The following LRBA variants were observed in gnomAD, a reference collection of about 807,000 sequenced individuals.
LRBA encodes lipopolysaccharide-responsive and beige-like anchor protein.
In LRBA, 176 loss-of-function variants were observed where a neutral mutation model predicts 330.0. The ratio of observed to expected loss-of-function variants is 0.53; its 90% CI spans 0.47 to 0.60. The LOEUF (loss-of-function observed/expected upper bound fraction) is 0.60, where lower values mean the gene tolerates loss of function less well. Ranked by LOEUF, LRBA falls within the 20% of genes least tolerant of loss-of-function variation. The pLI is 0.00. For missense variants in LRBA, 3,259 were observed against 3,444.8 expected (o/e 0.95, Z 1.35); for synonymous variants, 1,230 against 1,193.0 (o/e 1.03, Z -0.64).
intron 47 of LRBA, among the ~76,000 whole-genome samples, chr4:150,411,652 A>T (rs1747023116): frequency 6.6e-6 from 1 of 152,186 alleles, no homozygotes; most frequent in Admixed American, 6.5e-5. Context: ...TCTGGCTATG[A>T]GAAGCCGAAG....
At chr4:150,526,482 G>A (rs1763489184) in intron 40 of LRBA, among the ~76,000 whole-genome samples, 1 of 152,122 alleles carries the variant, frequency 6.6e-6, no homozygotes, top group African/African-American at 2.4e-5. Flanking sequence ...AATTTGATAA[G>A]GGGGATTGTG....
chr4:150,287,904 AGT>A (rs1748336115), intron 53 of LRBA, among the ~76,000 whole-genome samples: 1 of 152,246 alleles, frequency 6.6e-6, no homozygotes, highest in Non-Finnish European at 1.5e-5. Context: ...TTTCTTACAA[AGT>A]CCAGAAATTT....
At chr4:150,905,653 C>T (rs1731246516) in intron 13 of LRBA, among the ~76,000 whole-genome samples, 185 bp downstream of exon 13, 1 of 150,954 alleles carries the variant, frequency 6.6e-6, no homozygotes. Flanking sequence ...TATATTCATA[C>T]ACACACACAC....
intron 47 of LRBA, among the ~76,000 whole-genome samples, chr4:150,373,933 T>C (rs6823767): frequency 0.28 from 41,929 of 151,974 alleles, 5,856 homozygotes; most frequent in East Asian, 0.35. Context: ...CCTTCTAAGA[T>C]ATTCCTTTTC....
At chr4:150,719,935 T>C (rs896173624) in intron 36 of LRBA, among the ~76,000 whole-genome samples, 4 of 152,150 alleles carry the variant, frequency 2.6e-5, no homozygotes, top group Non-Finnish European at 5.9e-5. Context: ...TCTAATGAGA[T>C]AGAATGAACT....
intron 53 of LRBA, among the ~76,000 whole-genome samples, chr4:150,295,928 T>G (rs1488404154): frequency 6.6e-6 from 1 of 152,202 alleles, no homozygotes; most frequent in East Asian, 1.9e-4. Context: ...GGTCTTTGGT[T>G]CTAGGTAAGC....
At chr4:150,990,788 G>A (rs1283952639) in intron 2 of LRBA, among the ~76,000 whole-genome samples, 1 of 151,600 alleles carries the variant, frequency 6.6e-6, no homozygotes, top group Non-Finnish European at 1.5e-5. Flanking sequence ...AGGTGGCCGA[G>A]GTGGGCGGAT....
intron 5 of LRBA, 144 bp from the exon 6 acceptor site, chr4:150,916,882 G>A (rs554367050): frequency 3.0e-5 from 18 of 597,342 alleles, no homozygotes; most frequent in South Asian, 2.4e-4. Flanking sequence ...GGCCGGGCGC[G>A]GTGGCTCACG....
Position 150,828,450 on chromosome 4 carries a change from G to A in LRBA, c.4901C>T (p.Pro1634Leu), listed in dbSNP as rs138285961. 2.3e-4 allele frequency: 365 copies of A among 1,613,986 alleles called. No individual in the cohort carries two copies. The highest frequency in any genetic ancestry group is 3.0e-4 in the Non-Finnish European group (349 of 1,180,000). ...HTAPPGVSAG[P>L]DAISEVLSTL... The stretch of plus-strand genomic sequence containing the variant: ...AGATAGCACCTCGCTGATTGCATCT[G>A]GGCCTGCACTGACACCAGGAGGTGC... The change falls in exon 30 of 57, where the codon CCA (proline) becomes CTA (leucine). Residue 1634 changes from proline (P) to leucine (L), a missense_variant. By Grantham distance (98) the Pro-to-Leu change is moderately conservative (BLOSUM62 -3). Coordinates refer to ENST00000651943, the MANE Select transcript of LRBA (RefSeq NM_001364905.1).
intron 34 of LRBA, among the ~76,000 whole-genome samples, chr4:150,795,929 T>C (rs1560827912): frequency 6.6e-6 from 1 of 152,018 alleles, no homozygotes; most frequent in Non-Finnish European, 1.5e-5. Context: ...GCATGGCTGA[T>C]TGTCATGAAA....
intron 34 of LRBA, among the ~76,000 whole-genome samples, chr4:150,789,784 T>C (rs1262840256): frequency 6.6e-6 from 1 of 151,738 alleles, no homozygotes; most frequent in Non-Finnish European, 1.5e-5. Flanking sequence ...TTGATTAGAA[T>C]AGGAAAAAAA....
At chr4:150,830,767 T>A (rs1343383196) in intron 29 of LRBA, among the ~76,000 whole-genome samples, 2 of 148,656 alleles carry the variant, frequency 1.3e-5, no homozygotes, top group Non-Finnish European at 3.0e-5. Context: ...CTTTTTTTTT[T>A]TTTTTTTTTT....
intron 43 of LRBA, 69 bp from the exon 44 acceptor site, chr4:150,467,854 T>C: frequency 1.5e-6 from 1 of 689,414 alleles, no homozygotes; most frequent in Non-Finnish European, 2.4e-6. Context: ...AGTAATATAA[T>C]TTACTAAAAA....
intron 31 of LRBA, among the ~76,000 whole-genome samples, chr4:150,814,409 C>CTAGA (rs948906775): frequency 1.3e-5 from 2 of 151,848 alleles, no homozygotes; most frequent in African/African-American, 4.8e-5. Context: ...ACCAAAAACA[C>CTAGA]TAGATTAGGT....
At chr4:150,968,558 A>G (rs2149581422) in intron 2 of LRBA, among the ~76,000 whole-genome samples, 1 of 152,302 alleles carries the variant, frequency 6.6e-6, no homozygotes, top group Admixed American at 6.5e-5. Context: ...CAAGGCCCTA[A>G]CTCTCTTCAA....
At chr4:150,412,177 A>G (rs775495447) in intron 47 of LRBA, among the ~76,000 whole-genome samples, 2 of 152,192 alleles carry the variant, frequency 1.3e-5, no homozygotes, top group Admixed American at 6.6e-5. Context: ...CTATGTTTGC[A>G]TTTGAATTGC....
chr4:150,880,579 T>C (rs1237048632), intron 17 of LRBA, among the ~76,000 whole-genome samples: 2 of 149,614 alleles, frequency 1.3e-5, no homozygotes, highest in Non-Finnish European at 3.0e-5. Context: ...ATGTAAGCCA[T>C]CGAATTAGAA....
intron 43 of LRBA, among the ~76,000 whole-genome samples, chr4:150,468,769 G>A (rs75076461): frequency 0.13 from 19,386 of 150,968 alleles, 1,421 homozygotes; most frequent in Middle Eastern, 0.18. Context: ...ATATCAATAC[G>A]TAGCTGAATA....
At chr4:150,827,189 G>A (rs544426925) in intron 30 of LRBA, among the ~76,000 whole-genome samples, 2 of 152,288 alleles carry the variant, frequency 1.3e-5, no homozygotes, top group South Asian at 4.2e-4. Flanking sequence ...ACCAGAAAAT[G>A]AACTGACATT....
Sources: gnomAD v4.1 joint callset for allele counts (sites outside exome capture counted in the v4.1 genomes callset) on GRCh38, gnomAD v4.1.1 for gene constraint, MANE v1.5 for transcripts, NCBI Gene and HGNC (gene_info 2026-07-23, HGNC 2026-07-21) for gene names.